Variants in CSMD1 observed in about 807,000 individuals in gnomAD.
The protein encoded by CSMD1 is CUB and Sushi multiple domains 1, also known as CUB and sushi domain-containing protein 1.
Under a neutral mutation model 417.5 loss-of-function variants are expected in CSMD1, and 213 were observed. The ratio of observed to expected loss-of-function variants is 0.51; its 90% CI spans 0.46 to 0.57. The LOEUF is 0.57. CSMD1 is among the 20% of genes least tolerant of loss of function. The probability of loss-of-function intolerance (pLI) is 0.00; values close to 1 mark genes in which losing one functional copy is unlikely to be tolerated. For missense variants in CSMD1, 6,923 were observed against 4,529.7 expected (o/e 1.53, Z -15.17); for synonymous variants, 2,862 against 1,736.8 (o/e 1.65, Z -16.11).
chr8:4,994,367 AG>A lies in CSMD1; in HGVS notation c.49del (p.Leu17TrpfsTer19). On this transcript the variant is annotated frameshift_variant, in exon 1 of 70. Transcript: ENST00000635120. LOFTEE classifies it high-confidence loss of function. The stretch of plus-strand genomic sequence containing the variant: ...AGTGAGGAGCCTCGCGCACAGCACC[AG>A]CAGCCCGAGAAGCAGGAGCAGCGAC... ...FQSLLLLLGLLVLCARLLTAA... is the reference protein window; with the variant it reads ...FQSLLLLLGLXVLCARLLTAA... The A allele has an allele frequency of 6.2e-7, 1 of 1,612,022 alleles. No individual in the cohort carries two copies. The highest frequency in any genetic ancestry group is 8.5e-7 in the Non-Finnish European group (1 of 1,179,826).
intron 5 of CSMD1, among the ~76,000 whole-genome samples, chr8:3,899,888 T>G (rs951476681): frequency 6.6e-6 from 1 of 152,236 alleles, no homozygotes; most frequent in African/African-American, 2.4e-5. Context: ...AACCCTGAGC[T>G]TAAGAACTTG....
At chr8:3,493,844 T>A (rs1796246508) in intron 10 of CSMD1, 118 bp from the exon 11 acceptor site, 1 of 698,116 alleles carries the variant, frequency 1.4e-6, no homozygotes, top group Non-Finnish European at 2.5e-6. Context: ...CAATGTCAAA[T>A]GATCCCAGAG....
chr8:4,965,893 A>G (rs528880369), intron 1 of CSMD1, among the ~76,000 whole-genome samples: 1 of 152,274 alleles, frequency 6.6e-6, no homozygotes, highest in South Asian at 2.1e-4. Flanking sequence ...ACATAAGTAG[A>G]GAAAGATAAC....
rs531450086 is a variant in CSMD1 at position 4,017,748 on chromosome 8, G to A, written c.610+14157C>T. Among the ~76,000 whole-genome samples, 6 of 152,206 alleles carry A rather than the reference G, an allele frequency of 3.9e-5. No individual in the cohort carries two copies. In the South Asian group the frequency reaches 1.2e-3, roughly 32 times the overall value. ...GGCATTGTGTGTGCATGGTACAAAT[G>A]CTGAAACTTCCTAAATAAATGAAGA... On this transcript the variant is annotated intron_variant, in intron 4 of 69. Coordinates refer to ENST00000635120, the MANE Select transcript of CSMD1 (RefSeq NM_033225.6).
intron 3 of CSMD1, among the ~76,000 whole-genome samples, chr8:4,175,012 C>G (rs1456788782): frequency 6.6e-6 from 1 of 151,704 alleles, no homozygotes; most frequent in South Asian, 2.1e-4. Flanking sequence ...TTATCTCACT[C>G]TTTTCCACTT....
intron 25 of CSMD1, among the ~76,000 whole-genome samples, chr8:3,287,959 T>A (rs59309463): frequency 0.046 from 6,722 of 146,400 alleles, 1,459 homozygotes; most frequent in African/African-American, 0.17. Flanking sequence ...TAGCTCTTAT[T>A]ATTTTGAGAT....
At chr8:4,313,775 G>A (rs1798763850) in intron 3 of CSMD1, among the ~76,000 whole-genome samples, 1 of 152,124 alleles carries the variant, frequency 6.6e-6, no homozygotes, top group South Asian at 2.1e-4. Flanking sequence ...CAGCGTTTTG[G>A]GAGGCCAAGG....
chr8:3,090,810 G>C (rs541364356), intron 48 of CSMD1, among the ~76,000 whole-genome samples: 1 of 152,228 alleles, frequency 6.6e-6, no homozygotes, highest in East Asian at 1.9e-4. Context: ...GGAATTAAGA[G>C]TCTGCCTACT....
chr8:4,220,155 C>T (rs1714724), intron 3 of CSMD1, among the ~76,000 whole-genome samples: 151,575 of 152,166 alleles, frequency 1, 75,495 homozygotes, highest in Middle Eastern at 1. Flanking sequence ...TTTGCCATGT[C>T]GGCCAAGCTC....
intron 2 of CSMD1, among the ~76,000 whole-genome samples, chr8:4,588,156 G>T (rs1277326223): frequency 6.6e-6 from 1 of 151,992 alleles, no homozygotes. Context: ...TATTTTAAAT[G>T]GCTAGTAAAA....
intron 40 of CSMD1, among the ~76,000 whole-genome samples, chr8:3,145,354 G>C (rs977900203): frequency 6.6e-6 from 1 of 152,112 alleles, no homozygotes; most frequent in Admixed American, 6.5e-5. Flanking sequence ...GCAGACTTCA[G>C]ATATATTTAT....
intron 68 of CSMD1, 81 bp downstream of exon 68, chr8:2,949,218 G>A (rs183592495): frequency 3.5e-4 from 264 of 754,506 alleles, no homozygotes; most frequent in Non-Finnish European, 5.0e-4. Context: ...TTTTAGAGTC[G>A]TCTTTTCCAT....
chr8:3,830,197 G>T (rs1000637401), intron 5 of CSMD1, among the ~76,000 whole-genome samples: 1 of 152,156 alleles, frequency 6.6e-6, no homozygotes, highest in Non-Finnish European at 1.5e-5. Flanking sequence ...AGTGGAACAA[G>T]GATTGTTTGA....
At chr8:3,073,208 T>A (rs1177559901) in intron 49 of CSMD1, among the ~76,000 whole-genome samples, 1 of 152,166 alleles carries the variant, frequency 6.6e-6, no homozygotes, top group Non-Finnish European at 1.5e-5. Context: ...TTATTTCAAT[T>A]AAAGCACTAT....
intron 38 of CSMD1, among the ~76,000 whole-genome samples, chr8:3,161,765 G>A (rs1819913131): frequency 6.6e-6 from 1 of 151,904 alleles, no homozygotes; most frequent in South Asian, 2.1e-4. Context: ...GGGCATTAAT[G>A]ATGACTTATA....
rs60748897 is a variant in CSMD1, at chr8:3,603,278, C to A, written c.1097+13432G>T. ...ACCATGAATCCTCCTTCAAAAGCTA[C>A]CTGCCTGCCTTCAGTTACAGGCATA... On this transcript the variant is annotated intron_variant, in intron 8 of 69. Transcript: ENST00000635120. Among the ~76,000 whole-genome samples the A allele has an allele frequency of 6.7e-3, 1,014 of 152,316 alleles. 13 individuals are homozygous for A. Among genetic ancestry groups the A allele is most frequent in the African/African-American group, 0.023 (951 of 41,566 alleles).
chr8:4,313,880 G>T (rs980728008), intron 3 of CSMD1, among the ~76,000 whole-genome samples: 14 of 152,086 alleles, frequency 9.2e-5, no homozygotes, highest in African/African-American at 3.4e-4. Context: ...TAGGCATGGT[G>T]GTGCACACCT....
chr8:4,284,129 A>T (rs559058666), intron 3 of CSMD1, among the ~76,000 whole-genome samples: 2 of 152,294 alleles, frequency 1.3e-5, no homozygotes, highest in African/African-American at 4.8e-5. Flanking sequence ...GCATTTTGGG[A>T]GGCCGAGAAG....
intron 5 of CSMD1, among the ~76,000 whole-genome samples, chr8:3,987,808 T>C (rs112360142): frequency 2.2e-4 from 33 of 152,306 alleles, no homozygotes; most frequent in African/African-American, 7.7e-4. Context: ...CATAGCCTTA[T>C]CCAAACCCAT....
Sources: allele counts gnomAD v4.1 joint callset (sites outside exome capture counted in the v4.1 genomes callset), GRCh38; gene constraint gnomAD v4.1.1; transcripts MANE v1.5; gene names NCBI Gene and HGNC (gene_info 2026-07-23, HGNC 2026-07-21).